The following ZCCHC24 variants were observed in gnomAD, a reference collection of about 807,000 sequenced individuals.
ZCCHC24 encodes the protein zinc finger CCHC domain-containing protein 24.
Under a neutral mutation model 26.2 loss-of-function variants are expected in ZCCHC24, and 10 were observed. The observed-to-expected ratio is 0.38, with a 90% CI of 0.24 to 0.65. The LOEUF is 0.65. Ranked by LOEUF, ZCCHC24 falls within the 30% of genes least tolerant of loss-of-function variation. ZCCHC24 has a pLI of 0.54. For missense variants in ZCCHC24, 243 were observed against 329.1 expected (o/e 0.74, Z 2.03); for synonymous variants, 144 against 147.1 (o/e 0.98, Z 0.15).
intron 2 of ZCCHC24, among the ~76,000 whole-genome samples, chr10:79,431,128 G>A (rs1207346483): frequency 3.3e-5 from 5 of 152,232 alleles, no homozygotes; most frequent in African/African-American, 1.2e-4. Flanking sequence ...CAGGGGATGA[G>A]GGAGGGCTGC....
chr10:79,410,016 A>T (rs1454913223), intron 2 of ZCCHC24, among the ~76,000 whole-genome samples: 1 of 152,180 alleles, frequency 6.6e-6, no homozygotes, highest in East Asian at 1.9e-4. Context: ...TCTCCCTCTG[A>T]GCTGGAGCTG....
At chr10:79,422,921 C>T (rs976900243) in intron 2 of ZCCHC24, among the ~76,000 whole-genome samples, 2 of 152,232 alleles carry the variant, frequency 1.3e-5, no homozygotes, top group African/African-American at 4.8e-5. Context: ...GGCTGTCAGG[C>T]TGGGCATGGC....
chr10:79,444,611 G>A (rs568509078), intron 1 of ZCCHC24, among the ~76,000 whole-genome samples: 13 of 152,174 alleles, frequency 8.5e-5, no homozygotes, highest in Non-Finnish European at 1.9e-4. Context: ...GGGGGAGGGC[G>A]AGCAGCTGGA....
Position 79,398,453 on chromosome 10 carries a change from T to C in ZCCHC24, c.448-4013A>G, listed in dbSNP as rs926886144. Among the ~76,000 whole-genome samples the C allele has an allele frequency of 2.0e-5, 3 of 152,170 alleles. No homozygotes were observed. In the South Asian group the frequency reaches 6.2e-4, roughly 32 times the overall value. Reference sequence around the variant, plus strand: ...TCACCATTAGCTATTTCAGGGTGATTCTCTTCTTCGTTGCCTGCACTAGGA... The same window carrying C: ...TCACCATTAGCTATTTCAGGGTGATCCTCTTCTTCGTTGCCTGCACTAGGA... On this transcript the variant is annotated intron_variant, in intron 2 of 3. Transcript: ENST00000372336.
intron 3 of ZCCHC24, among the ~76,000 whole-genome samples, chr10:79,387,265 T>C (rs1433976066): frequency 6.6e-6 from 1 of 152,166 alleles, no homozygotes; most frequent in Non-Finnish European, 1.5e-5. Flanking sequence ...TCCGTTTCCA[T>C]ATCTGTGAAG....
At chr10:79,428,893 G>A (rs114196532) in intron 2 of ZCCHC24, among the ~76,000 whole-genome samples, 1,856 of 152,134 alleles carry the variant, frequency 0.012, 31 homozygotes, top group African/African-American at 0.04. Context: ...ATGGAAAAAT[G>A]CCTAGGAAGA....
At chr10:79,390,677 T>C (rs1000533045) in intron 3 of ZCCHC24, among the ~76,000 whole-genome samples, 5 of 152,204 alleles carry the variant, frequency 3.3e-5, no homozygotes, top group Non-Finnish European at 7.3e-5. Flanking sequence ...GAAAACACTC[T>C]GCAGCTGGGG....
Position 79,394,265 on chromosome 10 carries a change from G to A in ZCCHC24, c.612+11C>T. The A allele has an allele frequency of 1.2e-6, 2 of 1,611,598 alleles. No individual in the cohort carries two copies. Among genetic ancestry groups the A allele is most frequent in the Non-Finnish European group, 1.7e-6 (2 of 1,178,412 alleles). ...GGTCCTTCTGAGAAGGCCCCAGCCT[G>A]CCCGGCTCACCTGCTTGTGTGGATA... is the stretch of plus-strand genomic sequence containing the variant. On this transcript the variant is annotated intron_variant, in intron 3 of 3. Coordinates refer to ENST00000372336, the MANE Select transcript of ZCCHC24 (RefSeq NM_153367.4).
rs75960821 is a variant in ZCCHC24, at chr10:79,433,898, C to A, written c.247-1140G>T. Among the ~76,000 whole-genome samples the A allele has an allele frequency of 6.4e-3, 968 of 152,252 alleles. 8 individuals carry two copies. The highest frequency in any genetic ancestry group is 0.022 in the African/African-American group (929 of 41,536). On this transcript the variant is annotated intron_variant, in intron 1 of 3. Coordinates refer to ENST00000372336, the MANE Select transcript of ZCCHC24 (RefSeq NM_153367.4). ...CCTTAGCATAGGCAGGGGAGGGAGG[C>A]GAGCTGCAAGCTGGCCCCAGGGCAC...
rs897335018 is a variant in ZCCHC24 at position 79,383,845 on chromosome 10, A to C, written c.*2500T>G. ...TATAACTCAAAATAAATACAAATTC[A>C]CAAGTAGAACTATTGAATACTTCAT... On this transcript the variant is annotated 3_prime_UTR_variant, in exon 4 of 4. Coordinates refer to ENST00000372336, the MANE Select transcript of ZCCHC24 (RefSeq NM_153367.4). 1 of 152,746 alleles carries C rather than the reference A, an allele frequency of 6.5e-6. No homozygotes were observed. Among genetic ancestry groups the C allele is most frequent in the Non-Finnish European group, 1.5e-5 (1 of 68,030 alleles). The allele number at this position is 152,746 out of a possible 1,614,324, so 9.5% of individuals were successfully genotyped here.
intron 2 of ZCCHC24, among the ~76,000 whole-genome samples, chr10:79,406,795 G>A (rs920192796): frequency 6.6e-6 from 1 of 152,194 alleles, no homozygotes; most frequent in Non-Finnish European, 1.5e-5. Context: ...CTGCAACGCC[G>A]CATGCCTCCT....
intron 1 of ZCCHC24, among the ~76,000 whole-genome samples, chr10:79,435,821 T>C (rs996954960): frequency 6.6e-6 from 1 of 152,168 alleles, no homozygotes; most frequent in Admixed American, 6.5e-5. Flanking sequence ...GAGGCCCCGT[T>C]TGAGCTCAGG....
In ZCCHC24 at chr10:79,383,855, C is replaced by A. The variant is rs1380589852; in HGVS notation, c.*2490G>T. The A allele has an allele frequency of 3.3e-5, 5 of 152,626 alleles. No homozygotes were observed. Among genetic ancestry groups the A allele is most frequent in the African/African-American group, 1.2e-4 (5 of 41,404 alleles). 9.5% of individuals were successfully genotyped at this position (152,626 alleles called of 1,614,324 possible). On this transcript the variant is annotated 3_prime_UTR_variant, in exon 4 of 4. Transcript: ENST00000372336. The stretch of plus-strand genomic sequence containing the variant: ...AATAAATACAAATTCACAAGTAGAA[C>A]TATTGAATACTTCATATGGGGTAAA...
At chr10:79,416,527 C>T (rs1856862222) in intron 2 of ZCCHC24, among the ~76,000 whole-genome samples, 1 of 152,146 alleles carries the variant, frequency 6.6e-6, no homozygotes, top group Non-Finnish European at 1.5e-5. Flanking sequence ...GGGCTCAAAT[C>T]CCAGCCATGC....
At chr10:79,393,608 C>T (rs1856505629) in intron 3 of ZCCHC24, among the ~76,000 whole-genome samples, 1 of 152,228 alleles carries the variant, frequency 6.6e-6, no homozygotes, top group South Asian at 2.1e-4. Flanking sequence ...ATCTGAAAGC[C>T]CTGCTGCTCT....
chr10:79,434,002 A>C (rs952693490), intron 1 of ZCCHC24, among the ~76,000 whole-genome samples: 3 of 152,226 alleles, frequency 2.0e-5, no homozygotes, highest in Non-Finnish European at 4.4e-5. Context: ...AACTGTATCC[A>C]TCTGCAGGCA....
chr10:79,439,047 G>A (rs1857256179), intron 1 of ZCCHC24, among the ~76,000 whole-genome samples: 2 of 152,242 alleles, frequency 1.3e-5, no homozygotes, highest in Admixed American at 6.5e-5. Flanking sequence ...TACCACTGAG[G>A]CTTGCAGCCT....
Position 79,445,396 on chromosome 10 carries a change from G to T in ZCCHC24, c.45C>A (p.Tyr15Ter). The change falls in exon 1 of 4, where the codon TAC becomes TAA. Residue 15 changes from tyrosine to a stop codon, truncating the protein, a stop_gained. Coordinates refer to ENST00000372336, the MANE Select transcript of ZCCHC24 (RefSeq NM_153367.4). LOFTEE classifies it high-confidence loss of function. ...SAIDTSAASV[Y>*]QPAQLLNWVY... ...CCCAGTTGAGCAGCTGGGCGGGCTG[G>T]TACACCGAGGCGGCGCTCGTGTCGA... The T allele has an allele frequency of 6.6e-7, 1 of 1,508,232 alleles. No homozygotes were observed. Among genetic ancestry groups the T allele is most frequent in the Non-Finnish European group, 8.9e-7 (1 of 1,127,632 alleles). The allele number at this position is 1,508,232 out of a possible 1,614,324, so 93.4% of individuals were successfully genotyped here. A position where few individuals can be genotyped will look rare whatever the true frequency, so the allele number is the denominator to read the frequency against.
intron 2 of ZCCHC24, among the ~76,000 whole-genome samples, chr10:79,412,251 C>T (rs1201684858): frequency 6.6e-6 from 1 of 152,256 alleles, no homozygotes; most frequent in Admixed American, 6.5e-5. Context: ...GTGGCCAAGG[C>T]AGACCCATGG....
Sources: allele counts gnomAD v4.1 joint callset (sites outside exome capture counted in the v4.1 genomes callset), GRCh38; gene constraint gnomAD v4.1.1; transcripts MANE v1.5; gene names NCBI Gene and HGNC (gene_info 2026-07-23, HGNC 2026-07-21).